Variants in USP32 observed in about 807,000 individuals in gnomAD.
USP32 encodes ubiquitin specific peptidase 32, also known as ubiquitin carboxyl-terminal hydrolase 32.
USP32 carries 59 observed loss-of-function variants against 204.8 expected under a neutral mutation model. That is an observed-to-expected ratio of 0.29 (90% confidence interval 0.23 to 0.36). The LOEUF is 0.36. USP32 is among the 10% of genes least tolerant of loss of function. The pLI, the probability that USP32 is intolerant of heterozygous loss-of-function variation, is 1.00. For missense variants in USP32, 1,160 were observed against 1,946.4 expected (o/e 0.60, Z 7.60); for synonymous variants, 517 against 678.4 (o/e 0.76, Z 3.70).
intron 2 of USP32, among the ~76,000 whole-genome samples, chr17:60,340,570 C>T (rs893549738): frequency 7.9e-5 from 12 of 152,134 alleles, no homozygotes; most frequent in African/African-American, 2.2e-4. Flanking sequence ...CGACTTTGCA[C>T]GTGAGATGGG....
intron 29 of USP32, among the ~76,000 whole-genome samples, chr17:60,188,351 T>C (rs565167668): frequency 1.3e-5 from 2 of 152,332 alleles, no homozygotes; most frequent in South Asian, 4.1e-4. Flanking sequence ...AATCCTTTTA[T>C]ATTCTTAATT....
intron 1 of USP32, among the ~76,000 whole-genome samples, chr17:60,379,182 A>C (rs1008620197): frequency 3.9e-5 from 6 of 152,178 alleles, no homozygotes; most frequent in Admixed American, 2.0e-4. Context: ...AAAGCTGCAT[A>C]CATGTATTTG....
chr17:60,356,948 G>A (rs1238293651), intron 1 of USP32, among the ~76,000 whole-genome samples: 1 of 152,146 alleles, frequency 6.6e-6, no homozygotes, highest in Non-Finnish European at 1.5e-5. Flanking sequence ...TCACCAAATG[G>A]AGAATATCAA....
At chr17:60,268,477 A>T (rs922545283) in intron 7 of USP32, among the ~76,000 whole-genome samples, 1 of 146,904 alleles carries the variant, frequency 6.8e-6, no homozygotes, top group Non-Finnish European at 1.5e-5. Context: ...GGAGGCTAGG[A>T]TGGGAGGATC....
intron 1 of USP32, among the ~76,000 whole-genome samples, chr17:60,373,594 C>G (rs548000943): frequency 6.6e-6 from 1 of 151,854 alleles, no homozygotes; most frequent in Non-Finnish European, 1.5e-5. Flanking sequence ...GGATTACAGG[C>G]GTGCACCACC....
chr17:60,312,065 T>TG (rs2087868059), intron 2 of USP32, among the ~76,000 whole-genome samples: 1 of 152,356 alleles, frequency 6.6e-6, no homozygotes, highest in South Asian at 2.1e-4. Flanking sequence ...ACCAACTATG[T>TG]GGTCTTAAGC....
chr17:60,352,704 G>A (rs1384777140), intron 1 of USP32, among the ~76,000 whole-genome samples: 3 of 152,176 alleles, frequency 2.0e-5, no homozygotes, highest in Non-Finnish European at 4.4e-5. Context: ...AAGACCAGTT[G>A]AGCGGTTACT....
rs77024136 is a variant in USP32 at position 60,185,651 on chromosome 17, C to T, written c.3643G>A (p.Val1215Ile). Residue 1215 changes from valine (V) to isoleucine (I), a missense_variant and splice_region_variant, in exon 30 of 34, where the codon GTT becomes ATT. Physicochemically the swap from Val to Ile is conservative, Grantham distance 29 (BLOSUM62 3). Around this residue, in one of 8 missense-constraint regions of USP32, gnomAD observed 160 missense variants for 322.5 expected, o/e 0.50. Transcript: ENST00000300896. ...HLRYQTSQER[V>I]VDEHESVEQS... ...TCCACACTCTCATGCTCATCTACAA[C>T]CTGCAGGTAGAGGGAACAGGAGGAA... 1,316 of 1,608,476 alleles carry T rather than the reference C, an allele frequency of 8.2e-4. 18 individuals carry two copies. The East Asian group carries it at 0.027, about 33-fold the overall frequency.
At chr17:60,326,906 T>C (rs73320710) in intron 2 of USP32, among the ~76,000 whole-genome samples, 6,749 of 152,278 alleles carry the variant, frequency 0.044, 536 homozygotes, top group African/African-American at 0.15. Flanking sequence ...TTCTCAGTCT[T>C]ACGTAGATGC....
At chr17:60,416,732 C>T (rs903079101) in intron 1 of USP32, among the ~76,000 whole-genome samples, 1 of 152,070 alleles carries the variant, frequency 6.6e-6, no homozygotes, top group Non-Finnish European at 1.5e-5. Flanking sequence ...CATCCAAAGC[C>T]TAGGGCTTGC....
At chr17:60,229,331 C>A (rs576446306) in intron 12 of USP32, among the ~76,000 whole-genome samples, 5 of 152,308 alleles carry the variant, frequency 3.3e-5, no homozygotes, top group South Asian at 2.1e-4. Context: ...GCATGAGTCA[C>A]CCGGCCAAAG....
chr17:60,211,595 G>C, intron 19 of USP32, 81 bp from the exon 20 acceptor site: 1 of 1,504,788 alleles, frequency 6.6e-7, no homozygotes, highest in South Asian at 1.4e-5. Context: ...TCAATGAAAA[G>C]GTTTTTTATA....
chr17:60,209,662 C>T (rs1317742810), intron 21 of USP32, 119 bp from the exon 22 acceptor site: 2 of 602,720 alleles, frequency 3.3e-6, no homozygotes, highest in East Asian at 6.7e-5. Flanking sequence ...CTTAGTCTGC[C>T]TCTATTTCAA....
intron 10 of USP32, among the ~76,000 whole-genome samples, chr17:60,254,030 C>A (rs969093351): frequency 6.6e-6 from 1 of 152,088 alleles, no homozygotes; most frequent in Non-Finnish European, 1.5e-5. Context: ...CCAACACAGA[C>A]GTGTTGCAGA....
At chr17:60,287,118 C>T (rs557803731) in intron 5 of USP32, among the ~76,000 whole-genome samples, 18 of 152,154 alleles carry the variant, frequency 1.2e-4, no homozygotes, top group Non-Finnish European at 2.4e-4. Context: ...CCACTGCACT[C>T]CAGCCTGGGC....
rs59353869 is a variant in USP32, at chr17:60,215,808, C to T, written c.1868-1034G>A. Among the ~76,000 whole-genome samples, 132 of 152,148 alleles carry T rather than the reference C, an allele frequency of 8.7e-4. 1 individual carries two copies. The East Asian group carries it at 0.021, about 24-fold the overall frequency. On this transcript the variant is annotated intron_variant, in intron 16 of 33. Coordinates refer to ENST00000300896, the MANE Select transcript of USP32 (RefSeq NM_032582.4). Reference sequence around the variant, plus strand: ...TCATTCTGTTGCTCAAGCTGTAGTGCGGTGCGGCAATCATGGCTCACTGCA... The same window carrying T: ...TCATTCTGTTGCTCAAGCTGTAGTGTGGTGCGGCAATCATGGCTCACTGCA...
intron 1 of USP32, among the ~76,000 whole-genome samples, chr17:60,375,991 T>C (rs1171466074): frequency 6.6e-6 from 1 of 152,190 alleles, no homozygotes; most frequent in African/African-American, 2.4e-5. Flanking sequence ...GTAGTCAAAA[T>C]ATTCATTGCA....
At chr17:60,333,669 G>A (rs920712468) in intron 2 of USP32, among the ~76,000 whole-genome samples, 1 of 151,098 alleles carries the variant, frequency 6.6e-6, no homozygotes, top group East Asian at 1.9e-4. Context: ...GAGAAGGGAA[G>A]GAGGGAGGGA....
rs750829129 is a variant in USP32, at chr17:60,180,647, A to G, written c.4549-10T>C. The G allele has an allele frequency of 6.2e-7, 1 of 1,613,016 alleles. No individual in the cohort carries two copies. On this transcript the variant is annotated splice_polypyrimidine_tract_variant and intron_variant, in intron 32 of 33. Coordinates refer to ENST00000300896, the MANE Select transcript of USP32 (RefSeq NM_032582.4). ...GAATTCCTGAATGGCACTGTAAGAG[A>G]TAAGAGAGTGGAGGTATGTTAGCAG...
Sources: gnomAD v4.1 joint callset for allele counts (sites outside exome capture counted in the v4.1 genomes callset) on GRCh38, gnomAD v4.1.1 for gene constraint, gnomAD v4.1.1 regional missense constraint, MANE v1.5 for transcripts, NCBI Gene and HGNC (gene_info 2026-07-23, HGNC 2026-07-21) for gene names.